The following JPH1 variants were observed in gnomAD, a reference collection of about 807,000 sequenced individuals.
JPH1 encodes junctophilin 1, also known as junctophilin-1.
JPH1 carries 12 observed loss-of-function variants against 53.6 expected under a neutral mutation model. The observed-to-expected ratio is 0.22, with a 90% CI of 0.14 to 0.36. The LOEUF (loss-of-function observed/expected upper bound fraction) is 0.36. Ranked by LOEUF, JPH1 falls within the 10% of genes least tolerant of loss-of-function variation. The pLI is 1.00. For synonymous variants in JPH1, 375 were observed against 363.8 expected, an observed-to-expected ratio of 1.03 and a Z score of -0.35; for missense variants, 808 against 905.5, an observed-to-expected ratio of 0.89 and a Z score of 1.38.
In JPH1 at chr8:74,315,386, C is replaced by A. The variant is rs774670136; in HGVS notation, c.614G>T (p.Gly205Val). 1.2e-6 allele frequency: 2 copies of A among 1,612,464 alleles called. No homozygotes were observed. The highest frequency in any genetic ancestry group is 1.3e-5 in the African/African-American group (1 of 74,910). Reference sequence around the variant, plus strand: ...CCGGAAGAGGCCGCCCTTCTTCTTGCCCGCTAGCTCAGCGTCTGCGTGGAA... The same window carrying A: ...CCGGAAGAGGCCGCCCTTCTTCTTGACCGCTAGCTCAGCGTCTGCGTGGAA... ...LNFHADAELA[G>V]KKKGGLFRRG... Residue 205 changes from glycine to valine, a missense_variant, in exon 2 of 6, where the codon GGC becomes GTC. Transcript: ENST00000342232. The surrounding 1 kb of genome is among the most constrained non-coding windows in gnomAD (Gnocchi z 6.3).
chr8:74,238,502 T>C (rs1310746169), intron 4 of JPH1, among the ~76,000 whole-genome samples: 3 of 152,262 alleles, frequency 2.0e-5, no homozygotes, highest in East Asian at 3.9e-4. Flanking sequence ...ACTGCTATTT[T>C]CCCCCACAAG....
At chr8:74,255,076 T>C (rs1481932711) in intron 3 of JPH1, among the ~76,000 whole-genome samples, 14 of 152,112 alleles carry the variant, frequency 9.2e-5, no homozygotes, top group Admixed American at 3.9e-4. Flanking sequence ...AAAAAGAGCC[T>C]GCATTGCCAA....
chr8:74,245,596 C>T (rs1805838647), intron 3 of JPH1, among the ~76,000 whole-genome samples: 1 of 152,142 alleles, frequency 6.6e-6, no homozygotes. Flanking sequence ...CTGTAGATAA[C>T]ATATTTTTAA....
chr8:74,243,959 T>C (rs972277352), intron 4 of JPH1, among the ~76,000 whole-genome samples: 1 of 152,248 alleles, frequency 6.6e-6, no homozygotes, highest in Non-Finnish European at 1.5e-5. Flanking sequence ...CTTGAACTGT[T>C]GGAAATTTTC....
chr8:74,261,202 T>C (rs1806386266), intron 2 of JPH1, among the ~76,000 whole-genome samples: 1 of 152,220 alleles, frequency 6.6e-6, no homozygotes, highest in Admixed American at 6.5e-5. Flanking sequence ...ATCTATAGAC[T>C]GTACAACACA....
chr8:74,287,622 C>T (rs1055118610), intron 2 of JPH1, among the ~76,000 whole-genome samples: 1 of 151,044 alleles, frequency 6.6e-6, no homozygotes, highest in African/African-American at 2.4e-5. Flanking sequence ...GAGAAGGTCA[C>T]TAAATTGCAT....
intron 1 of JPH1, among the ~76,000 whole-genome samples, chr8:74,316,466 A>G (rs1430030841): frequency 2.0e-5 from 3 of 152,220 alleles, no homozygotes; most frequent in East Asian, 3.8e-4. Context: ...GTATGAGAAC[A>G]CAAAATTCTC....
At chr8:74,243,424 A>G (rs868029504) in intron 4 of JPH1, among the ~76,000 whole-genome samples, 10 of 152,258 alleles carry the variant, frequency 6.6e-5, no homozygotes, top group South Asian at 2.1e-4. Context: ...AAATTTGAAA[A>G]AAGAAGAGAA....
chr8:74,276,880 C>T (rs1806864436), intron 2 of JPH1, among the ~76,000 whole-genome samples: 1 of 152,136 alleles, frequency 6.6e-6, no homozygotes, highest in Non-Finnish European at 1.5e-5. Flanking sequence ...ATACAGTTCT[C>T]CTTATTGTAT....
chr8:74,242,126 G>A (rs907788317), intron 4 of JPH1, among the ~76,000 whole-genome samples: 64 of 152,010 alleles, frequency 4.2e-4, no homozygotes, highest in African/African-American at 1.5e-3. Flanking sequence ...TCTCATACTC[G>A]AGTTAACTAA....
chr8:74,237,582 A>G (rs958526618), intron 4 of JPH1, among the ~76,000 whole-genome samples: 4 of 152,240 alleles, frequency 2.6e-5, no homozygotes, highest in African/African-American at 9.6e-5. Context: ...AATGGACAAC[A>G]GCGTGTGCTG....
intron 4 of JPH1, among the ~76,000 whole-genome samples, chr8:74,241,593 T>C (rs1388311780): frequency 6.6e-6 from 1 of 152,162 alleles, no homozygotes; most frequent in Non-Finnish European, 1.5e-5. Context: ...TATTTAAAAC[T>C]GTAAGGAATT....
In JPH1 at chr8:74,235,809, A is replaced by G. The variant is rs1806983448; in HGVS notation, c.*1242T>C. 6.6e-6 allele frequency: 1 copy of G among 152,558 alleles called. No individual in the cohort carries two copies. Among genetic ancestry groups the G allele is most frequent in the Admixed American group, 6.5e-5 (1 of 15,288 alleles). 9.5% of individuals were successfully genotyped at this position (152,558 alleles called of 1,614,324 possible). A position where few individuals can be genotyped will look rare whatever the true frequency, so the allele number is the denominator to read the frequency against. ...TTAAAATGTGAAATGAAATTACAAA[A>G]GGACTTTGAAAAACAGGAAAGGCAG... is the stretch of plus-strand genomic sequence containing the variant. On this transcript the variant is annotated 3_prime_UTR_variant, in exon 6 of 6. Coordinates refer to ENST00000342232, the MANE Select transcript of JPH1 (RefSeq NM_020647.4).
chr8:74,271,270 C>G (rs1266537041), intron 2 of JPH1, among the ~76,000 whole-genome samples: 1 of 152,132 alleles, frequency 6.6e-6, no homozygotes, highest in African/African-American at 2.4e-5. Flanking sequence ...CACCCTCCCC[C>G]TTGTTGCAAG....
At chr8:74,272,892 C>T (rs1179750173) in intron 2 of JPH1, among the ~76,000 whole-genome samples, 1 of 152,140 alleles carries the variant, frequency 6.6e-6, no homozygotes, top group Non-Finnish European at 1.5e-5. Flanking sequence ...GCGTGAGCCA[C>T]CGCGCCCGGC....
At chr8:74,288,834 A>C (rs1807242526) in intron 2 of JPH1, among the ~76,000 whole-genome samples, 1 of 152,248 alleles carries the variant, frequency 6.6e-6, no homozygotes, top group Admixed American at 6.5e-5. Flanking sequence ...GAAACCACAG[A>C]CTTATGTAAC....
chr8:74,267,003 G>T (rs2131401598), intron 2 of JPH1, among the ~76,000 whole-genome samples: 1 of 152,278 alleles, frequency 6.6e-6, no homozygotes. Context: ...AATATTAGCG[G>T]ATGAATAAAT....
At position 74,301,543 on chromosome 8, in the gene JPH1, C is replaced by T. The variant is rs565871563; in HGVS notation, c.1139+13318G>A. On this transcript the variant is annotated intron_variant, in intron 2 of 5. Transcript: ENST00000342232. ...GCGGACAGATCGCTCCTGGAGAAAG[C>T]GTTCTTCCACTATCCAACTGCTTGC... is the stretch of plus-strand genomic sequence containing the variant. Among the ~76,000 whole-genome samples, 12 of 152,294 alleles carry T rather than the reference C, an allele frequency of 7.9e-5. No homozygotes were observed. In the South Asian group the frequency reaches 1.2e-3, roughly 16 times the overall value.
chr8:74,250,379 C>T (rs115210188), intron 3 of JPH1, among the ~76,000 whole-genome samples: 2,158 of 152,234 alleles, frequency 0.014, 57 homozygotes, highest in African/African-American at 0.047. Context: ...ATGATCTGCC[C>T]GCTTTGGCCT....
Sources: gnomAD v4.1 joint callset for allele counts (sites outside exome capture counted in the v4.1 genomes callset) on GRCh38, gnomAD v4.1.1 for gene constraint, Gnocchi (gnomAD v3.1) non-coding constraint, MANE v1.5 for transcripts, NCBI Gene and HGNC (gene_info 2026-07-23, HGNC 2026-07-21) for gene names.